Variants in ENOX1 observed in about 807,000 individuals in gnomAD.
The protein encoded by ENOX1 is ecto-NOX disulfide-thiol exchanger 1, also known as candidate growth-related and time keeping constitutive hydroquinone (NADH) oxidase.
ENOX1 carries 42 observed loss-of-function variants against 82.5 expected under a neutral mutation model. The ratio of observed to expected loss-of-function variants is 0.51; its 90% confidence interval spans 0.40 to 0.66. The LOEUF (loss-of-function observed/expected upper bound fraction) is 0.66, where lower values mean the gene tolerates loss of function less well. Among genes scored for constraint, ENOX1 ranks in the 30% least tolerant of loss-of-function variants. The pLI is 0.00. For missense variants in ENOX1, 608 were observed against 811.6 expected (o/e 0.75, Z 3.05); for synonymous variants, 271 against 282.2 (o/e 0.96, Z 0.40).
Position 43,213,544 on chromosome 13 carries a change from C to CTTTTTT in ENOX1, c.*440_*445dup, listed in dbSNP as rs3043205. The CTTTTTT allele has an allele frequency of 3.0e-3, 255 of 83,844 alleles. No homozygotes were observed. The highest frequency in any genetic ancestry group is 6.3e-3 in the East Asian group (15 of 2,372). 5.2% of individuals were successfully genotyped at this position (83,844 alleles called of 1,614,324 possible). A position where few individuals can be genotyped will look rare whatever the true frequency, so the allele number is the denominator to read the frequency against. On this transcript the variant is annotated 3_prime_UTR_variant, in exon 17 of 17. Transcript: ENST00000690772. Reference sequence around the variant, plus strand: ...TTTTTCTTTTTTTCTTTTTCTTTTTCTTTTTTTTTTTTTTTTTTTTTTTAC... The same window carrying CTTTTTT: ...TTTTTCTTTTTTTCTTTTTCTTTTTCTTTTTTTTTTTTTTTTTTTTTTTTTTTTTAC...
At chr13:43,519,629 G>A (rs973094796) in intron 2 of ENOX1, among the ~76,000 whole-genome samples, 7 of 152,138 alleles carry the variant, frequency 4.6e-5, no homozygotes, top group Admixed American at 2.0e-4. Flanking sequence ...CTGGCAGCCA[G>A]ACAAACTGGG....
intron 2 of ENOX1, among the ~76,000 whole-genome samples, chr13:43,485,825 C>T (rs963545422): frequency 6.6e-6 from 1 of 152,234 alleles, no homozygotes; most frequent in Non-Finnish European, 1.5e-5. Context: ...CCTATAATCC[C>T]AGCACTTTGG....
At chr13:43,625,097 T>C (rs1241822068) in intron 2 of ENOX1, among the ~76,000 whole-genome samples, 4 of 152,052 alleles carry the variant, frequency 2.6e-5, no homozygotes, top group Admixed American at 1.3e-4. Context: ...TGTTTTGTTA[T>C]ATTTATGCCT....
chr13:43,484,311 G>T (rs76368089), intron 2 of ENOX1, among the ~76,000 whole-genome samples, 159 bp from the exon 3 acceptor site: 2,806 of 152,264 alleles, frequency 0.018, 101 homozygotes, highest in African/African-American at 0.063. Flanking sequence ...GGCAGAGTGG[G>T]ACACTAACCT....
chr13:43,385,877 T>G (rs1379077813), intron 5 of ENOX1, among the ~76,000 whole-genome samples: 3 of 152,242 alleles, frequency 2.0e-5, no homozygotes, highest in South Asian at 2.1e-4. Flanking sequence ...ATTAAAACTT[T>G]CCTTGGGGCC....
intron 11 of ENOX1, among the ~76,000 whole-genome samples, chr13:43,319,802 T>C (rs1434257308): frequency 1.3e-5 from 2 of 152,148 alleles, no homozygotes; most frequent in Non-Finnish European, 2.9e-5. Context: ...AGAGAGGAAA[T>C]TGGCAGGGGA....
chr13:43,615,003 T>C (rs990638892), intron 2 of ENOX1, among the ~76,000 whole-genome samples: 7 of 152,258 alleles, frequency 4.6e-5, no homozygotes, highest in African/African-American at 1.4e-4. Context: ...AAAATTTGAA[T>C]ATATTTTGAG....
At chr13:43,536,302 G>A (rs956874967) in intron 2 of ENOX1, among the ~76,000 whole-genome samples, 6 of 152,288 alleles carry the variant, frequency 3.9e-5, no homozygotes, top group African/African-American at 9.6e-5. Flanking sequence ...CTCTCTAGCC[G>A]ATTGCTTTCC....
chr13:43,477,288 T>C (rs2875531), intron 3 of ENOX1, among the ~76,000 whole-genome samples: 1,539 of 151,806 alleles, frequency 0.01, 20 homozygotes, highest in African/African-American at 0.035. Flanking sequence ...AAAGGAGAAG[T>C]AGATATCTGA....
At chr13:43,371,781 C>T (rs116254647) in intron 5 of ENOX1, among the ~76,000 whole-genome samples, 1,801 of 152,230 alleles carry the variant, frequency 0.012, 30 homozygotes, top group African/African-American at 0.04. Context: ...CAGAACTGGT[C>T]TGTTTAAATA....
At chr13:43,578,752 C>T (rs1011029836) in intron 2 of ENOX1, among the ~76,000 whole-genome samples, 13 of 152,142 alleles carry the variant, frequency 8.5e-5, no homozygotes, top group Admixed American at 2.0e-4. Flanking sequence ...CTGCAACCAC[C>T]CTTAGCAGAG....
intron 1 of ENOX1, among the ~76,000 whole-genome samples, chr13:43,688,332 A>G (rs1475066798): frequency 6.6e-6 from 1 of 152,218 alleles, no homozygotes; most frequent in Non-Finnish European, 1.5e-5. Context: ...TCAGTAGTCC[A>G]GATGAAGATG....
intron 1 of ENOX1, among the ~76,000 whole-genome samples, chr13:43,771,614 C>G (rs141534368): frequency 6.6e-6 from 1 of 152,212 alleles, no homozygotes; most frequent in Non-Finnish European, 1.5e-5. Flanking sequence ...TAAGAGGTAA[C>G]AGTGGGTTTA....
intron 2 of ENOX1, among the ~76,000 whole-genome samples, chr13:43,588,522 A>G (rs1462149612): frequency 6.6e-6 from 1 of 152,228 alleles, no homozygotes; most frequent in East Asian, 1.9e-4. Flanking sequence ...GTGGACCAGT[A>G]TGATCTCTAA....
chr13:43,655,824 C>A (rs17064811), intron 2 of ENOX1, among the ~76,000 whole-genome samples: 1 of 152,148 alleles, frequency 6.6e-6, no homozygotes, highest in Non-Finnish European at 1.5e-5. Flanking sequence ...AATATGTTCC[C>A]GTTCTGGAAA....
intron 2 of ENOX1, among the ~76,000 whole-genome samples, chr13:43,598,617 C>T (rs1030739239): frequency 7.2e-5 from 11 of 152,140 alleles, no homozygotes; most frequent in African/African-American, 2.7e-4. Flanking sequence ...AACTCACAGA[C>T]GGCAAAGCAG....
At chr13:43,712,633 A>C (rs2087806427) in intron 1 of ENOX1, among the ~76,000 whole-genome samples, 1 of 150,778 alleles carries the variant, frequency 6.6e-6, no homozygotes, top group Non-Finnish European at 1.5e-5. Flanking sequence ...GGTCCTTCAC[A>C]TCCCTTGTAA....
rs569708821 is a variant in ENOX1, at chr13:43,336,955, C to A, written c.1036+7583G>T. Among the ~76,000 whole-genome samples the A allele has an allele frequency of 5.3e-5, 8 of 152,318 alleles. No individual in the cohort carries two copies. The East Asian group carries it at 1.5e-3, about 29-fold the overall frequency. On this transcript the variant is annotated intron_variant, in intron 9 of 16. Transcript: ENST00000690772. ...ACCTAAGATGAGGCTGATGCCATTA[C>A]CTATCACAAATGTATAAAGTTGCAT... is the stretch of plus-strand genomic sequence containing the variant.
chr13:43,565,733 G>C (rs1055583399), intron 2 of ENOX1, among the ~76,000 whole-genome samples: 2 of 152,122 alleles, frequency 1.3e-5, no homozygotes, highest in Admixed American at 1.3e-4. Flanking sequence ...ACAAAATCAG[G>C]AACAGCAGGA....
Sources: gnomAD v4.1 joint callset for allele counts (sites outside exome capture counted in the v4.1 genomes callset) on GRCh38, gnomAD v4.1.1 for gene constraint, MANE v1.5 for transcripts, NCBI Gene and HGNC (gene_info 2026-07-23, HGNC 2026-07-21) for gene names.